NOL4: variants seen among roughly 807,000 people sequenced by gnomAD.
NOL4 encodes the protein nucleolar protein 4.
Under a neutral mutation model 75.9 loss-of-function variants are expected in NOL4, and 17 were observed. The observed-to-expected ratio is 0.22, with a 90% CI of 0.15 to 0.34. The LOEUF is 0.34. Ranked by LOEUF, NOL4 falls within the 10% of genes least tolerant of loss-of-function variation. The pLI, the probability that NOL4 is intolerant of heterozygous loss-of-function variation, is 1.00. For missense variants in NOL4, 614 were observed against 793.5 expected, an observed-to-expected ratio of 0.77 and a Z score of 2.72; for synonymous variants, 292 against 289.9, an observed-to-expected ratio of 1.01 and a Z score of -0.07.
chr18:33,909,933 T>C (rs2066293815), intron 9 of NOL4, among the ~76,000 whole-genome samples: 1 of 152,146 alleles, frequency 6.6e-6, no homozygotes, highest in South Asian at 2.1e-4. Flanking sequence ...AGGGAAGGTC[T>C]TTCTGAGAAA....
chr18:33,865,739 G>T (rs67241737), intron 10 of NOL4, among the ~76,000 whole-genome samples: 19,788 of 152,022 alleles, frequency 0.13, 1,418 homozygotes, highest in Non-Finnish European at 0.17. Context: ...GTAACTATTT[G>T]TCTCTTCTGC....
chr18:33,962,864 T>C (rs2070263084), intron 6 of NOL4, among the ~76,000 whole-genome samples: 1 of 152,172 alleles, frequency 6.6e-6, no homozygotes, highest in African/African-American at 2.4e-5. Context: ...CAGAACCAGT[T>C]GGAACAGTAA....
At chr18:34,029,122 G>A (rs1055439546) in intron 5 of NOL4, among the ~76,000 whole-genome samples, 2 of 152,096 alleles carry the variant, frequency 1.3e-5, no homozygotes, top group Non-Finnish European at 2.9e-5. Flanking sequence ...CAGTCTTGGT[G>A]TACAGTTATT....
intron 5 of NOL4, among the ~76,000 whole-genome samples, chr18:34,029,860 C>A (rs926818993): frequency 1.2e-4 from 18 of 152,086 alleles, no homozygotes; most frequent in African/African-American, 4.3e-4. Flanking sequence ...CTTTAAAGTA[C>A]TATTTTATAC....
intron 9 of NOL4, among the ~76,000 whole-genome samples, chr18:33,936,756 G>A (rs1383655689): frequency 2.6e-5 from 4 of 151,980 alleles, no homozygotes; most frequent in Admixed American, 2.6e-4. Context: ...ACATAACAAG[G>A]AAACCCTCAC....
chr18:33,918,035 G>T (rs927302516), intron 9 of NOL4, among the ~76,000 whole-genome samples: 2 of 152,030 alleles, frequency 1.3e-5, no homozygotes, highest in Non-Finnish European at 2.9e-5. Flanking sequence ...TAGGGACTCT[G>T]GCCTCATTTT....
chr18:34,024,215 A>ATATATAT (rs1491509605), intron 5 of NOL4, among the ~76,000 whole-genome samples: 8 of 127,484 alleles, frequency 6.3e-5, no homozygotes, highest in Admixed American at 7.8e-5. Flanking sequence ...ATATATATAT[A>ATATATAT]AAATCCTCAT....
chr18:33,931,394 C>T (rs1035123318), intron 9 of NOL4, among the ~76,000 whole-genome samples: 29 of 152,204 alleles, frequency 1.9e-4, no homozygotes, highest in African/African-American at 7.0e-4. Context: ...ATTTTCCAGG[C>T]AGTCTCATGT....
Position 34,134,447 on chromosome 18 carries a change from GACACACACACACACACACACAC to G in NOL4, c.265-4449_265-4428del, listed in dbSNP as rs199707766. Among the ~76,000 whole-genome samples, 24 of 134,242 alleles carry G rather than the reference GACACACACACACACACACACAC, an allele frequency of 1.8e-4. No homozygotes were observed. The East Asian group carries it at 4.5e-3, about 25-fold the overall frequency. 88.1% of individuals were successfully genotyped at this position (134,242 alleles called of 152,430 possible). On this transcript the variant is annotated intron_variant, in intron 1 of 10. Transcript: ENST00000261592. ...ATGGACCCAATAAGAGACTCCAAGT[GACACACACACACACACACACAC>G]ACACACACACACACACACACACACA...
At chr18:34,190,763 T>G (rs1350417864) in intron 1 of NOL4, among the ~76,000 whole-genome samples, 4 of 151,728 alleles carry the variant, frequency 2.6e-5, no homozygotes, top group Admixed American at 6.6e-5. Context: ...ATAATTTAAA[T>G]TATGCATTTT....
chr18:33,999,903 C>G (rs752733219), intron 6 of NOL4, among the ~76,000 whole-genome samples: 22 of 152,060 alleles, frequency 1.4e-4, no homozygotes, highest in Non-Finnish European at 2.8e-4. Context: ...CCACCTGCCT[C>G]GGCCTCCCAA....
At chr18:33,954,924 T>C (rs1157007400) in intron 8 of NOL4, among the ~76,000 whole-genome samples, 4 of 151,988 alleles carry the variant, frequency 2.6e-5, no homozygotes, top group South Asian at 2.1e-4. Flanking sequence ...TACTATGGGA[T>C]GCAATTAAAA....
chr18:34,067,066 A>T (rs1600465686), intron 5 of NOL4, among the ~76,000 whole-genome samples: 1 of 152,288 alleles, frequency 6.6e-6, no homozygotes, highest in Non-Finnish European at 1.5e-5. Flanking sequence ...GAAAATAAAC[A>T]AAATACTAAA....
At chr18:34,071,824 C>T (rs2077531803) in intron 5 of NOL4, among the ~76,000 whole-genome samples, 1 of 152,018 alleles carries the variant, frequency 6.6e-6, no homozygotes, top group Admixed American at 6.6e-5. Flanking sequence ...TGTAACACAT[C>T]GTAAGACAAG....
intron 9 of NOL4, among the ~76,000 whole-genome samples, chr18:33,908,115 T>C (rs1777451587): frequency 1.3e-5 from 2 of 152,254 alleles, no homozygotes; most frequent in African/African-American, 4.8e-5. Flanking sequence ...GGCCTGATAC[T>C]TCAAAAGTGC....
intron 1 of NOL4, among the ~76,000 whole-genome samples, chr18:34,215,582 A>G (rs1375742666): frequency 6.6e-6 from 1 of 152,200 alleles, no homozygotes; most frequent in Non-Finnish European, 1.5e-5. Flanking sequence ...TTGTGCTGCT[A>G]TCCATGGAGA....
chr18:33,989,886 CCTT>C (rs2072788685), intron 6 of NOL4, among the ~76,000 whole-genome samples: 1 of 152,070 alleles, frequency 6.6e-6, no homozygotes, highest in African/African-American at 2.4e-5. Flanking sequence ...ACGTATAACT[CCTT>C]TAGTCTTATC....
At chr18:34,222,884 G>C in intron 1 of NOL4, 106 bp downstream of exon 1, 1 of 1,458,458 alleles carries the variant, frequency 6.9e-7, no homozygotes, top group Non-Finnish European at 9.3e-7. Context: ...GGGGGCACAC[G>C]AGCCAACGGC....
At chr18:33,940,594 T>G (rs1225442856) in intron 9 of NOL4, among the ~76,000 whole-genome samples, 1 of 151,806 alleles carries the variant, frequency 6.6e-6, no homozygotes, top group African/African-American at 2.4e-5. Context: ...AAATACCTAA[T>G]GTAGATGATG....
Sources: allele counts gnomAD v4.1 joint callset (sites outside exome capture counted in the v4.1 genomes callset), GRCh38; gene constraint gnomAD v4.1.1; transcripts MANE v1.5; gene names NCBI Gene and HGNC (gene_info 2026-07-23, HGNC 2026-07-21).